The following PDGFD variants were observed in gnomAD, a reference collection of about 807,000 sequenced individuals.
PDGFD encodes the protein platelet derived growth factor D, also known as platelet-derived growth factor D.
Under a neutral mutation model 44.7 loss-of-function variants are expected in PDGFD, and 30 were observed. That is an observed-to-expected ratio of 0.67 (90% confidence interval 0.50 to 0.91). The LOEUF (loss-of-function observed/expected upper bound fraction) is 0.91. Ranked by LOEUF, PDGFD falls within the 40% of genes least tolerant of loss-of-function variation. The probability of loss-of-function intolerance (pLI) is 0.00; values close to 1 mark genes in which losing one functional copy is unlikely to be tolerated. For synonymous variants in PDGFD, 173 were observed against 168.4 expected (o/e 1.03, Z -0.21); for missense variants, 445 against 457.8 (o/e 0.97, Z 0.25).
At chr11:104,014,190 C>T (rs970026210) in intron 1 of PDGFD, among the ~76,000 whole-genome samples, 3 of 152,166 alleles carry the variant, frequency 2.0e-5, no homozygotes, top group African/African-American at 7.2e-5. Flanking sequence ...TACATTTTTG[C>T]TTCCTTCATG....
At chr11:104,020,393 T>C (rs1859931471) in intron 1 of PDGFD, among the ~76,000 whole-genome samples, 1 of 152,136 alleles carries the variant, frequency 6.6e-6, no homozygotes, top group South Asian at 2.1e-4. Context: ...TTACAAATGA[T>C]TTATTGATAG....
At chr11:104,094,625 T>C (rs1433429967) in intron 1 of PDGFD, among the ~76,000 whole-genome samples, 1 of 152,136 alleles carries the variant, frequency 6.6e-6, no homozygotes, top group Non-Finnish European at 1.5e-5. Context: ...TCTAATCATT[T>C]GACAAGTTCC....
chr11:104,108,328 T>A (rs12225071), intron 1 of PDGFD, among the ~76,000 whole-genome samples: 15,638 of 150,970 alleles, frequency 0.1, 953 homozygotes, highest in East Asian at 0.32. Context: ...TAATATCCAG[T>A]ATCTACAAAG....
At chr11:104,096,298 C>A in intron 1 of PDGFD, among the ~76,000 whole-genome samples, 2 of 151,126 alleles carry the variant, frequency 1.3e-5, no homozygotes. Flanking sequence ...ACATGGCTAA[C>A]AATTATTTAG....
chr11:104,006,595 C>G (rs1329995153), intron 1 of PDGFD, among the ~76,000 whole-genome samples: 1 of 152,128 alleles, frequency 6.6e-6, no homozygotes, highest in East Asian at 1.9e-4. Context: ...GCCACCCTAT[C>G]CTGTACCCAT....
chr11:103,909,490 TATATTCTTAGGTATAGAAGTTGATG>T lies in PDGFD; in HGVS notation c.*179_*203del. ...CAAACACTATTATTAAATGCAATCC[TATATTCTTAGGTATAGAAGTTGATG>T]ATATACCTTTCTACTTGCCATGGCA... is the stretch of plus-strand genomic sequence containing the variant. On this transcript the variant is annotated 3_prime_UTR_variant, in exon 7 of 7. Transcript: ENST00000393158. 1.7e-6 allele frequency: 1 copy of T among 577,970 alleles called. No individual in the cohort carries two copies. Among genetic ancestry groups the T allele is most frequent in the Non-Finnish European group, 3.1e-6 (1 of 325,826 alleles). The allele number at this position is 577,970 out of a possible 1,614,324, so 35.8% of individuals were successfully genotyped here. A position where few individuals can be genotyped will look rare whatever the true frequency, so the allele number is the denominator to read the frequency against.
chr11:104,000,227 T>C lies in PDGFD; in HGVS notation c.153A>G (p.Arg51=). The C allele has an allele frequency of 6.2e-7, 1 of 1,614,034 alleles. No homozygotes were observed. ...CTTTCACCTGGATGGTCTCATCTCT[T>C]CGGTACAAGTCTGTGAGGTGATTGC... ...DESNHLTDLY[R]RDETIQVKGN... is the part of the protein sequence containing the mutation. Residue 51 remains arginine, a synonymous_variant, in exon 2 of 7, where the codon CGA becomes CGG. Transcript: ENST00000393158.
chr11:103,963,323 C>T (rs1858967327), intron 3 of PDGFD, among the ~76,000 whole-genome samples: 1 of 152,122 alleles, frequency 6.6e-6, no homozygotes, highest in Non-Finnish European at 1.5e-5. Flanking sequence ...ACTATATGAG[C>T]TGGGTATAGG....
chr11:104,137,603 C>T (rs1486291895), intron 1 of PDGFD, among the ~76,000 whole-genome samples: 2 of 152,088 alleles, frequency 1.3e-5, no homozygotes, highest in East Asian at 3.9e-4. Flanking sequence ...TGATAGATCT[C>T]ACTTTGCCAC....
chr11:104,026,550 A>G (rs1354355093), intron 1 of PDGFD, among the ~76,000 whole-genome samples: 2 of 152,158 alleles, frequency 1.3e-5, no homozygotes, highest in Non-Finnish European at 2.9e-5. Context: ...GAGATAATTC[A>G]CCTGTTATCC....
chr11:103,965,104 T>C (rs914932023), intron 3 of PDGFD, among the ~76,000 whole-genome samples: 2 of 152,122 alleles, frequency 1.3e-5, no homozygotes, highest in African/African-American at 4.8e-5. Flanking sequence ...GGAAAACTTT[T>C]TATTTTATGT....
At chr11:104,018,736 C>G (rs1341053323) in intron 1 of PDGFD, among the ~76,000 whole-genome samples, 3 of 152,178 alleles carry the variant, frequency 2.0e-5, no homozygotes, top group Admixed American at 2.0e-4. Context: ...CCTCTCATGC[C>G]CCAAGTGTGG....
At chr11:103,938,131 T>C (rs1858522192) in intron 5 of PDGFD, among the ~76,000 whole-genome samples, 1 of 152,104 alleles carries the variant, frequency 6.6e-6, no homozygotes, top group South Asian at 2.1e-4. Context: ...ATCACCACAC[T>C]GACTTCCACA....
chr11:103,938,257 G>C (rs888652734), intron 5 of PDGFD, among the ~76,000 whole-genome samples: 12 of 152,204 alleles, frequency 7.9e-5, no homozygotes, highest in Non-Finnish European at 1.8e-4. Context: ...TAACTGGTGT[G>C]AGATGGTATC....
At chr11:104,049,066 G>A (rs973029539) in intron 1 of PDGFD, among the ~76,000 whole-genome samples, 5 of 152,102 alleles carry the variant, frequency 3.3e-5, no homozygotes, top group South Asian at 2.1e-4. Flanking sequence ...CAGGACTCAC[G>A]GAACTAGAAT....
intron 3 of PDGFD, among the ~76,000 whole-genome samples, chr11:103,950,564 A>C (rs938528047): frequency 2.0e-5 from 3 of 151,494 alleles, no homozygotes; most frequent in African/African-American, 7.3e-5. Context: ...ACTCTGTCTC[A>C]AAAGAAAAAA....
intron 6 of PDGFD, among the ~76,000 whole-genome samples, chr11:103,920,422 G>T (rs1858196619): frequency 6.6e-6 from 1 of 152,204 alleles, no homozygotes; most frequent in South Asian, 2.1e-4. Context: ...AAGCCTGGGT[G>T]GGCACTACAT....
intron 1 of PDGFD, among the ~76,000 whole-genome samples, chr11:104,109,839 A>C (rs2134451937): frequency 6.6e-6 from 1 of 152,228 alleles, no homozygotes; most frequent in African/African-American, 2.4e-5. Flanking sequence ...AGCAGAGTGC[A>C]GAGGTTAATA....
At chr11:104,017,356 T>C (rs368424495) in intron 1 of PDGFD, among the ~76,000 whole-genome samples, 1 of 151,482 alleles carries the variant, frequency 6.6e-6, no homozygotes, top group Admixed American at 6.6e-5. Flanking sequence ...CCGTTTTTTT[T>C]GTTTTTTTTT....
Sources: allele counts gnomAD v4.1 joint callset (sites outside exome capture counted in the v4.1 genomes callset), GRCh38; gene constraint gnomAD v4.1.1; transcripts MANE v1.5; gene names NCBI Gene and HGNC (gene_info 2026-07-23, HGNC 2026-07-21).